Variants in WWC2 observed in about 807,000 individuals in gnomAD.
The protein encoded by WWC2 is WW and C2 domain containing 2.
In WWC2, 101 loss-of-function variants were observed where a neutral mutation model predicts 138.5. The ratio of observed to expected loss-of-function variants is 0.73; its 90% CI spans 0.62 to 0.86. The LOEUF (loss-of-function observed/expected upper bound fraction) is 0.86, where lower values mean the gene tolerates loss of function less well. WWC2 is among the 40% of genes least tolerant of loss of function. The pLI is 0.00. For synonymous variants in WWC2, 558 were observed against 538.4 expected, an observed-to-expected ratio of 1.04 and a Z score of -0.50; for missense variants, 1,420 against 1,419.4, an observed-to-expected ratio of 1.00 and a Z score of -0.01.
At chr4:183,273,048 C>T (rs1010116176) in intron 16 of WWC2, among the ~76,000 whole-genome samples, 3 of 152,074 alleles carry the variant, frequency 2.0e-5, no homozygotes, top group Non-Finnish European at 4.4e-5. Context: ...GGTGTTTGCA[C>T]CATTTTGCAT....
At chr4:183,291,635 C>T (rs1298930618) in intron 21 of WWC2, among the ~76,000 whole-genome samples, 1 of 152,146 alleles carries the variant, frequency 6.6e-6, no homozygotes, top group African/African-American at 2.4e-5. Flanking sequence ...GTTGTTTCTT[C>T]ATTTCTAGTG....
At chr4:183,224,954 C>T (rs1736031312) in intron 4 of WWC2, among the ~76,000 whole-genome samples, 2 of 152,122 alleles carry the variant, frequency 1.3e-5, no homozygotes, top group Admixed American at 6.6e-5. Context: ...CTTATTGATC[C>T]ACAACTTTTC....
intron 1 of WWC2, among the ~76,000 whole-genome samples, chr4:183,173,814 T>C (rs1259749901): frequency 6.6e-6 from 1 of 152,096 alleles, no homozygotes; most frequent in Non-Finnish European, 1.5e-5. Flanking sequence ...CCACTGAGAC[T>C]TTGGTATTGT....
intron 8 of WWC2, among the ~76,000 whole-genome samples, chr4:183,250,916 A>G (rs1736959747): frequency 6.6e-6 from 1 of 152,220 alleles, no homozygotes; most frequent in Non-Finnish European, 1.5e-5. Flanking sequence ...AATTGGCCGT[A>G]GTCCTTAGAG....
chr4:183,263,991 T>G (rs1282832005), intron 11 of WWC2, among the ~76,000 whole-genome samples: 1 of 152,172 alleles, frequency 6.6e-6, no homozygotes, highest in Non-Finnish European at 1.5e-5. Context: ...CCTTCCGCAG[T>G]CAGTCACTGT....
chr4:183,274,131 A>T (rs1178678070), intron 16 of WWC2, among the ~76,000 whole-genome samples: 2 of 152,216 alleles, frequency 1.3e-5, no homozygotes, highest in African/African-American at 4.8e-5. Flanking sequence ...ATAGCTTTGT[A>T]GTCATTTTGA....
intron 4 of WWC2, among the ~76,000 whole-genome samples, chr4:183,227,394 G>A (rs965379962): frequency 3.9e-5 from 6 of 152,058 alleles, no homozygotes; most frequent in Non-Finnish European, 8.8e-5. Context: ...CAGTAGGAAA[G>A]TATGAACGCA....
intron 14 of WWC2, among the ~76,000 whole-genome samples, chr4:183,268,522 G>A (rs1445433720): frequency 6.6e-6 from 1 of 152,140 alleles, no homozygotes; most frequent in Non-Finnish European, 1.5e-5. Context: ...TTCCATTCCT[G>A]GGAGGTGATC....
chr4:183,184,933 A>G (rs975365504), intron 1 of WWC2, among the ~76,000 whole-genome samples: 1 of 152,190 alleles, frequency 6.6e-6, no homozygotes, highest in Non-Finnish European at 1.5e-5. Flanking sequence ...CATCGTTTTC[A>G]TAACAGAGAT....
At chr4:183,215,359 A>G (rs1175601947) in intron 4 of WWC2, among the ~76,000 whole-genome samples, 1 of 152,208 alleles carries the variant, frequency 6.6e-6, no homozygotes, top group Admixed American at 6.5e-5. Context: ...GAGGACTATT[A>G]TAGTTAGTGT....
intron 4 of WWC2, among the ~76,000 whole-genome samples, chr4:183,224,739 T>C (rs1226354973): frequency 2.6e-5 from 4 of 152,084 alleles, no homozygotes. Context: ...TTTTGTATGT[T>C]TAGTAGAGAT....
chr4:183,106,400 A>C (rs1743362263), intron 1 of WWC2, among the ~76,000 whole-genome samples: 1 of 152,058 alleles, frequency 6.6e-6, no homozygotes, highest in African/African-American at 2.4e-5. Flanking sequence ...CAATTATTTT[A>C]TCTTTATTAG....
At chr4:183,250,418 A>G (rs1279908918) in intron 8 of WWC2, among the ~76,000 whole-genome samples, 1 of 152,104 alleles carries the variant, frequency 6.6e-6, no homozygotes, top group East Asian at 1.9e-4. Flanking sequence ...ATTTGAAGGG[A>G]AGTCTTACTG....
intron 1 of WWC2, among the ~76,000 whole-genome samples, chr4:183,168,178 CT>C (rs143205549): frequency 2.2e-5 from 3 of 138,808 alleles, no homozygotes; most frequent in South Asian, 2.3e-4. Flanking sequence ...TCTTTTCTTT[CT>C]TTTTTTTTTT....
intron 19 of WWC2, among the ~76,000 whole-genome samples, chr4:183,285,288 A>G (rs1193949112): frequency 6.6e-6 from 1 of 152,224 alleles, no homozygotes; most frequent in Non-Finnish European, 1.5e-5. Context: ...CTGGGCCGAG[A>G]GCGTTCTAGA....
chr4:183,223,860 A>C (rs1011280872), intron 4 of WWC2, among the ~76,000 whole-genome samples: 1 of 152,196 alleles, frequency 6.6e-6, no homozygotes, highest in Non-Finnish European at 1.5e-5. Context: ...CCTCCTGAGT[A>C]GCTGGGACTA....
chr4:183,235,722 TC>T (rs1186588063), intron 4 of WWC2, among the ~76,000 whole-genome samples: 4 of 152,202 alleles, frequency 2.6e-5, no homozygotes, highest in African/African-American at 9.6e-5. Flanking sequence ...GTTGTTTTAA[TC>T]CATGCATCTG....
intron 1 of WWC2, among the ~76,000 whole-genome samples, chr4:183,164,366 ATT>A (rs1734065514): frequency 1.7e-3 from 1 of 592 alleles, no homozygotes; most frequent in African/African-American, 6.0e-3. Context: ...ACATATATAT[ATT>A]ATATATACAT....
chr4:183,128,925 T>C (rs373861520), intron 1 of WWC2, among the ~76,000 whole-genome samples: 74 of 152,324 alleles, frequency 4.9e-4, no homozygotes, highest in African/African-American at 1.7e-3. Flanking sequence ...TTACTAGCTT[T>C]TTAGTTAGGC....
Sources: allele counts gnomAD v4.1 joint callset (sites outside exome capture counted in the v4.1 genomes callset), GRCh38; gene constraint gnomAD v4.1.1; transcripts MANE v1.5; gene names NCBI Gene and HGNC (gene_info 2026-07-23, HGNC 2026-07-21).